ZBTB4: variants seen among roughly 807,000 people sequenced by gnomAD.
The protein encoded by ZBTB4 is zinc finger and BTB domain containing 4.
In ZBTB4, 14 loss-of-function variants were observed where a neutral mutation model predicts 59.8. The observed-to-expected ratio is 0.23, with a 90% CI of 0.15 to 0.37. The LOEUF is 0.37. Among genes scored for constraint, ZBTB4 ranks in the 10% least tolerant of loss-of-function variants. The probability of loss-of-function intolerance (pLI) is 1.00; values close to 1 mark genes in which losing one functional copy is unlikely to be tolerated. For missense variants in ZBTB4, 1,198 were observed against 1,380.8 expected (o/e 0.87, Z 2.10); for synonymous variants, 587 against 575.2 (o/e 1.02, Z -0.29).
At chr17:7,475,382 T>C (rs2070255783) in intron 1 of ZBTB4, among the ~76,000 whole-genome samples, 1 of 152,106 alleles carries the variant, frequency 6.6e-6, no homozygotes, top group Admixed American at 6.5e-5. Flanking sequence ...TTGACCACTC[T>C]GGAGTCCTCA....
chr17:7,484,035 G>C (rs1214612154), upstream of ZBTB4: 2 of 152,266 alleles, frequency 1.3e-5, no homozygotes, highest in Admixed American at 1.3e-4. Context: ...TTCCAGCTGG[G>C]GGGGGCTACG....
At chr17:7,465,080 T>C (rs575383031) in intron 3 of ZBTB4, among the ~76,000 whole-genome samples, 1,546 of 135,450 alleles carry the variant, frequency 0.011, 12 homozygotes, top group East Asian at 0.039. Flanking sequence ...GGCGTGAACC[T>C]GGGAAGTGGA....
rs1307917167 is a variant in ZBTB4, at chr17:7,462,874, T to C, written c.2108A>G (p.Glu703Gly). ...RRPPRWRQKL[E>G]RRSWEETPAA... ...TGGGGTTTCCTCCCAGCTCCTCCGTTCCAGCTTCTGCCTCCAACGTGGTGG... is the reference window on the plus strand; with the variant it reads ...TGGGGTTTCCTCCCAGCTCCTCCGTCCCAGCTTCTGCCTCCAACGTGGTGG... The change falls in exon 4 of 4, where the codon GAA (glutamate) becomes GGA (glycine). Residue 703 changes from glutamate to glycine, a missense_variant. Transcript: ENST00000380599. This position sits in a 1 kb window ranked among gnomAD's most constrained non-coding sequence, Gnocchi z 7.5. The C allele has an allele frequency of 1.2e-6, 2 of 1,606,744 alleles. No homozygotes were observed. Among genetic ancestry groups the C allele is most frequent in the East Asian group, 4.5e-5 (2 of 44,870 alleles).
rs868424522 is a variant in ZBTB4, at chr17:7,461,816, G to A, written c.*124C>T. ...AGCAGCCTGACCCCTGAGCTCCAGG[G>A]GCCCCCAAGTCCCTGCACAAGAGTG... On this transcript the variant is annotated 3_prime_UTR_variant, in exon 4 of 4. Coordinates refer to ENST00000380599, the MANE Select transcript of ZBTB4 (RefSeq NM_001128833.2). The A allele has an allele frequency of 1.4e-5, 11 of 810,562 alleles. No individual in the cohort carries two copies. In the Middle Eastern group the frequency reaches 2.4e-3, roughly 176 times the overall value. The allele number at this position is 810,562 out of a possible 1,614,324, so 50.2% of individuals were successfully genotyped here.
chr17:7,479,787 G>A (rs2070320685), upstream of ZBTB4, among the ~76,000 whole-genome samples: 1 of 151,264 alleles, frequency 6.6e-6, no homozygotes, highest in Non-Finnish European at 1.5e-5. Flanking sequence ...ACTGACCCCC[G>A]CGGCATGACA....
At chr17:7,483,001 A>C (rs1414088281), upstream of ZBTB4, 12 of 1,611,956 alleles carry the variant, frequency 7.4e-6, no homozygotes, top group Non-Finnish European at 1.0e-5. Context: ...TGGAGGAGTG[A>C]GATAGAACTT....
intron 1 of ZBTB4, among the ~76,000 whole-genome samples, chr17:7,477,226 C>T (rs541879269): frequency 1.2e-4 from 19 of 152,340 alleles, no homozygotes; most frequent in African/African-American, 3.8e-4. Context: ...TAGGCACAGC[C>T]CCCAGACTAT....
intron 1 of ZBTB4, among the ~76,000 whole-genome samples, chr17:7,475,142 GACCAGCCTGGCCAAC>G (rs2070252434): frequency 6.6e-6 from 1 of 151,676 alleles, no homozygotes; most frequent in South Asian, 2.1e-4. Context: ...AACATGGTGA[GACCAGCCTGGCCAAC>G]ATGGTGAAAC....
In ZBTB4 at chr17:7,463,591, T is replaced by A. The variant is rs1041243067; in HGVS notation, c.1391A>T (p.Glu464Val). ...GATGACAGAGGGTGGAGGGCCAGGC[T>A]CTGGGGCAGGTGGAGGCCCAGGCGG... ...SPPPGPPPAP[E>V]PGPPPSVITF... Residue 464 changes from glutamate (E) to valine (V), a missense_variant, in exon 4 of 4, where the codon GAG (glutamate) becomes GTG (valine). Glu to Val is a moderately radical substitution (Grantham distance 121). Coordinates refer to ENST00000380599, the MANE Select transcript of ZBTB4 (RefSeq NM_001128833.2). 1 of 1,599,828 alleles carries A rather than the reference T, an allele frequency of 6.3e-7. No homozygotes were observed. Among genetic ancestry groups the A allele is most frequent in the Non-Finnish European group, 8.5e-7 (1 of 1,173,160 alleles).
upstream of ZBTB4, chr17:7,481,841 C>T (rs2070348338): frequency 3.4e-6 from 4 of 1,176,156 alleles, no homozygotes; most frequent in South Asian, 1.6e-5. Context: ...ATCTTTTAGG[C>T]CCTTTCTAGC....
At chr17:7,467,686 G>A (rs537734639) in intron 1 of ZBTB4, among the ~76,000 whole-genome samples, 10 of 152,314 alleles carry the variant, frequency 6.6e-5, no homozygotes, top group African/African-American at 2.2e-4. Context: ...AAGTCCCTTT[G>A]GCCCAATCTC....
chr17:7,462,103 GC>G lies in ZBTB4; in HGVS notation c.2878del (p.Ala960ProfsTer13), dbSNP rs1422959685. 1.2e-6 allele frequency: 2 copies of G among 1,608,570 alleles called. No homozygotes were observed. Among genetic ancestry groups the G allele is most frequent in the Admixed American group, 1.7e-5 (1 of 59,274 alleles). ...AAAGACCCCTGGTAGGAAGGGAAGG[GC>G]CCCCGCACCCTTCTCATCAGGTAGG... The part of the protein sequence containing the change: ...MVLPDEKGAG[A>X]LPFLPGVFGY... On this transcript the variant is annotated frameshift_variant, in exon 4 of 4. Transcript: ENST00000380599. LOFTEE classifies it high-confidence loss of function. This position sits in a 1 kb window ranked among gnomAD's most constrained non-coding sequence, Gnocchi z 7.5.
rs759680223 is a variant in ZBTB4 at position 7,465,801 on chromosome 17, C to T, written c.1001G>A (p.Arg334Gln). 2.4e-5 allele frequency: 38 copies of T among 1,614,078 alleles called. No homozygotes were observed. The highest frequency in any genetic ancestry group is 3.3e-5 in the Admixed American group (2 of 60,006). Residue 334 changes from arginine (R) to glutamine (Q), a missense_variant, in exon 3 of 4, where the codon CGG becomes CAG. Arg to Gln is a conservative substitution (Grantham distance 43). Transcript: ENST00000380599. Reference sequence around the variant, plus strand: ...ACAATAGCGGCAGGGGTACTTCCTCCGCCACGAGTGTACATTGCTGTGTCT... The same window carrying T: ...ACAATAGCGGCAGGGGTACTTCCTCTGCCACGAGTGTACATTGCTGTGTCT... Reference protein sequence around the residue: ...LKRHSNVHSWRRKYPCRYCEK... With the variant: ...LKRHSNVHSWQRKYPCRYCEK...
intron 1 of ZBTB4, among the ~76,000 whole-genome samples, chr17:7,477,912 G>T (rs145526825): frequency 6.6e-6 from 1 of 152,264 alleles, no homozygotes; most frequent in Non-Finnish European, 1.5e-5. Flanking sequence ...CTCATGAGGG[G>T]CAAACATACA....
Position 7,461,887 on chromosome 17 carries a change from T to TG in ZBTB4, c.*52dup. ...AGGGAGGCCAGGGAGCTGGTAGTGG[T>TG]GGGGGGTTCAGGGAGGGTGGCATCT... On this transcript the variant is annotated 3_prime_UTR_variant, in exon 4 of 4. Coordinates refer to ENST00000380599, the MANE Select transcript of ZBTB4 (RefSeq NM_001128833.2). The TG allele has an allele frequency of 2.7e-6, 4 of 1,457,044 alleles. No individual in the cohort carries two copies. The highest frequency in any genetic ancestry group is 4.7e-5 in the East Asian group (2 of 42,354). The allele number at this position is 1,457,044 out of a possible 1,614,324, so 90.3% of individuals were successfully genotyped here. A position where few individuals can be genotyped will look rare whatever the true frequency, so the allele number is the denominator to read the frequency against.
At position 7,466,494 on chromosome 17, in the gene ZBTB4, G is replaced by A. The variant is rs140604921; in HGVS notation, c.308C>T (p.Ser103Phe). 4.3e-6 allele frequency: 7 copies of A among 1,609,236 alleles called. No individual in the cohort carries two copies. Among genetic ancestry groups the A allele is most frequent in the Admixed American group, 3.4e-5 (2 of 58,784 alleles). ...SSSSSSSSASSSSSSSSSSPP... is the reference protein window; with the variant it reads ...SSSSSSSSASFSSSSSSSSPP... ...AGAGGAAGAGGAAGAGGAAGAAGAA[G>A]AAGAAGCAGAGGAGGAAGAAGAGGA... is the stretch of plus-strand genomic sequence containing the variant. Residue 103 changes from serine to phenylalanine, a missense_variant, in exon 3 of 4, where the codon TCT (serine) becomes TTT (phenylalanine). Physicochemically the swap from Ser to Phe is radical, Grantham distance 155. Around this residue, in one of 9 missense-constraint regions of ZBTB4, gnomAD observed 83 missense variants for 76.5 expected, o/e 1.09. Coordinates refer to ENST00000380599, the MANE Select transcript of ZBTB4 (RefSeq NM_001128833.2). The surrounding 1 kb of genome is among the most constrained non-coding windows in gnomAD (Gnocchi z 9.1).
In ZBTB4 at chr17:7,463,633, G is replaced by A. The variant is rs202192226; in HGVS notation, c.1349C>T (p.Ala450Val). The change falls in exon 4 of 4, where the codon GCA becomes GTA. Residue 450 changes from alanine (A) to valine (V), a missense_variant. Around this residue, in one of 9 missense-constraint regions of ZBTB4, gnomAD observed 550 missense variants for 541.8 expected, o/e 1.02. Transcript: ENST00000380599. ...CCCAGGCGGCGGGCTGGCTGGCATTGCCACAGGGGCCGGTGTGTTGAGGGT... is the reference window on the plus strand; with the variant it reads ...CCCAGGCGGCGGGCTGGCTGGCATTACCACAGGGGCCGGTGTGTTGAGGGT... ...SPTLNTPAPV[A>V]MPASPPPGPP... The A allele has an allele frequency of 1.9e-5, 30 of 1,609,548 alleles. No homozygotes were observed. In the Admixed American group the frequency reaches 3.7e-4, roughly 20 times the overall value.
At chr17:7,474,099 T>C (rs1252940562) in intron 1 of ZBTB4, among the ~76,000 whole-genome samples, 1 of 151,770 alleles carries the variant, frequency 6.6e-6, no homozygotes, top group Non-Finnish European at 1.5e-5. Context: ...ATATTTTTAG[T>C]AGAGACAGGG....
rs2070048203 is a variant in ZBTB4, at chr17:7,462,899, G to C, written c.2083C>G (p.Pro695Ala). Residue 695 changes from proline (P) to alanine (A), a missense_variant, in exon 4 of 4, where the codon CCA becomes GCA. Coordinates refer to ENST00000380599, the MANE Select transcript of ZBTB4 (RefSeq NM_001128833.2). The surrounding 1 kb of genome is among the most constrained non-coding windows in gnomAD (Gnocchi z 7.5). ...TCCAGCTTCTGCCTCCAACGTGGTG[G>C]CCGGCGGCCTCGGGGCAGCCCACTG... is the stretch of plus-strand genomic sequence containing the variant. Reference protein sequence around the residue: ...GGSGLPRGRRPPRWRQKLERR... With the variant: ...GGSGLPRGRRAPRWRQKLERR... 1 of 1,608,416 alleles carries C rather than the reference G, an allele frequency of 6.2e-7. No individual in the cohort carries two copies.
Sources: allele counts gnomAD v4.1 joint callset (sites outside exome capture counted in the v4.1 genomes callset), GRCh38; gene constraint gnomAD v4.1.1; regional missense constraint gnomAD v4.1.1; non-coding constraint Gnocchi (gnomAD v3.1); transcripts MANE v1.5; gene names NCBI Gene and HGNC (gene_info 2026-07-23, HGNC 2026-07-21).